DYNLRB1: variants seen among roughly 807,000 people sequenced by gnomAD.
The protein encoded by DYNLRB1 is ROBL/LC7-like 1.
Under a neutral mutation model 13.5 loss-of-function variants are expected in DYNLRB1, and 6 were observed. That is an observed-to-expected ratio of 0.44 (90% CI 0.24 to 0.88). The LOEUF (loss-of-function observed/expected upper bound fraction) is 0.88. Ranked by LOEUF, DYNLRB1 falls within the 40% of genes least tolerant of loss-of-function variation. The pLI is 0.21. For missense variants in DYNLRB1, 93 were observed against 127.2 expected (o/e 0.73, Z 1.29); for synonymous variants, 43 against 45.0 (o/e 0.96, Z 0.18).
At chr20:34,521,392 T>C (rs1033532071) in intron 1 of DYNLRB1, among the ~76,000 whole-genome samples, 24 of 152,222 alleles carry the variant, frequency 1.6e-4, no homozygotes, top group African/African-American at 4.6e-4. Context: ...TCTACTAGTA[T>C]TCTTTTGTGC....
intron 2 of DYNLRB1, among the ~76,000 whole-genome samples, chr20:34,531,670 G>A (rs956643164): frequency 6.6e-6 from 1 of 152,196 alleles, no homozygotes; most frequent in African/African-American, 2.4e-5. Context: ...GCTTAATGCT[G>A]TCTCTCTAGG....
upstream of DYNLRB1, among the ~76,000 whole-genome samples, chr20:34,516,015 C>G (rs1050372741): frequency 2.6e-5 from 4 of 152,306 alleles, no homozygotes; most frequent in Non-Finnish European, 4.4e-5. Flanking sequence ...ACCTCAGCCT[C>G]TGGAGTAACT....
chr20:34,528,335 A>AAC (rs1980416023), intron 2 of DYNLRB1, among the ~76,000 whole-genome samples: 1 of 150,140 alleles, frequency 6.7e-6, no homozygotes, highest in Admixed American at 6.7e-5. Context: ...AAAAAAAAAA[A>AAC]AAAAAAAAAC....
At chr20:34,516,403 G>A, upstream of DYNLRB1, 2 of 1,602,718 alleles carry the variant, frequency 1.2e-6, no homozygotes, top group Non-Finnish European at 1.7e-6. Flanking sequence ...CGCAGGCGCA[G>A]AAAGGCACAG....
intron 2 of DYNLRB1, chr20:34,533,404 C>T: frequency 1.1e-6 from 1 of 890,626 alleles, no homozygotes; most frequent in African/African-American, 1.8e-5. Flanking sequence ...TAGAAACATG[C>T]TTTAACTTGG....
intron 1 of DYNLRB1, among the ~76,000 whole-genome samples, chr20:34,520,494 T>A (rs1979626081): frequency 6.6e-6 from 1 of 152,204 alleles, no homozygotes; most frequent in Non-Finnish European, 1.5e-5. Context: ...TTGCCCAGAC[T>A]GGAGTTCAGT....
chr20:34,520,709 A>G (rs1250443370), intron 1 of DYNLRB1, among the ~76,000 whole-genome samples: 3 of 152,156 alleles, frequency 2.0e-5, no homozygotes, highest in Admixed American at 6.5e-5. Flanking sequence ...TCAGCCTCCC[A>G]AAGTGCCAGG....
intron 1 of DYNLRB1, chr20:34,516,858 C>T (rs531452169): frequency 5.2e-5 from 80 of 1,536,322 alleles, no homozygotes; most frequent in Non-Finnish European, 6.4e-5. Flanking sequence ...TTTCCTCCGC[C>T]TCCTCCCAGC....
chr20:34,534,817 C>T, intron 3 of DYNLRB1, 22 bp downstream of exon 3: 3 of 1,613,870 alleles, frequency 1.9e-6, no homozygotes, highest in Non-Finnish European at 2.5e-6. Context: ...TCTACCTCCC[C>T]ATGTAGGAAC....
intron 1 of DYNLRB1, among the ~76,000 whole-genome samples, chr20:34,525,419 A>G (rs6059897): frequency 0.46 from 70,117 of 151,954 alleles, 16,574 homozygotes; most frequent in Non-Finnish European, 0.5. Context: ...TACCTAATGC[A>G]TGTCCCAGAG....
intron 1 of DYNLRB1, among the ~76,000 whole-genome samples, chr20:34,521,678 T>C (rs912376411): frequency 1.3e-5 from 2 of 152,164 alleles, no homozygotes; most frequent in African/African-American, 2.4e-5. Context: ...AACTAGAGAA[T>C]TGGGGAACCT....
At chr20:34,539,795 CCTT>C (rs1259625936) in intron 3 of DYNLRB1, among the ~76,000 whole-genome samples, 1 of 152,042 alleles carries the variant, frequency 6.6e-6, no homozygotes, top group Non-Finnish European at 1.5e-5. Flanking sequence ...CCACGCCTGA[CCTT>C]CTACAAAAAA....
chr20:34,535,305 G>C (rs1334135260), intron 3 of DYNLRB1: 1 of 985,326 alleles, frequency 1.0e-6, no homozygotes, highest in African/African-American at 1.7e-5. Context: ...CTGCCCACTT[G>C]TAAAGGCCAG....
At chr20:34,533,016 C>T (rs1172770291) in intron 2 of DYNLRB1, among the ~76,000 whole-genome samples, 1 of 152,194 alleles carries the variant, frequency 6.6e-6, no homozygotes, top group Non-Finnish European at 1.5e-5. Context: ...TGTCAGCTGG[C>T]GGGCTCTTGG....
intron 2 of DYNLRB1, chr20:34,529,925 G>A: frequency 1.4e-6 from 2 of 1,473,454 alleles, no homozygotes; most frequent in Non-Finnish European, 1.8e-6. Context: ...GATCAGTTGG[G>A]TGGCCTGAGG....
At chr20:34,535,476 A>C (rs1187988192) in intron 3 of DYNLRB1, 1 of 773,372 alleles carries the variant, frequency 1.3e-6, no homozygotes, top group Non-Finnish European at 1.6e-6. Context: ...GGAGATGCTC[A>C]TTCTGGGAGG....
chr20:34,516,872 G>C (rs1223254535), intron 1 of DYNLRB1: 6 of 1,525,612 alleles, frequency 3.9e-6, no homozygotes, highest in Non-Finnish European at 5.3e-6. Context: ...TCCCAGCTCT[G>C]TGAGGTAGAT....
At chr20:34,527,146 C>G (rs1980289499) in intron 2 of DYNLRB1, among the ~76,000 whole-genome samples, 1 of 152,228 alleles carries the variant, frequency 6.6e-6, no homozygotes, top group African/African-American at 2.4e-5. Context: ...GATCGGCCTA[C>G]CATCACACAG....
At position 34,516,472 on chromosome 20, in the gene DYNLRB1, G is replaced by A. The variant is rs745769629; in HGVS notation, c.3+11G>A. The A allele has an allele frequency of 6.2e-7, 1 of 1,612,802 alleles. No homozygotes were observed. Among genetic ancestry groups the A allele is most frequent in the Admixed American group, 1.7e-5 (1 of 59,938 alleles). On this transcript the variant is annotated intron_variant, in intron 1 of 3. Transcript: ENST00000357156. Reference sequence around the variant, plus strand: ...GATCGGTCGGAAATGGTGAGCGTGCGCCGGGGTCTTGTGGCTGGCGGCCGC... The same window carrying A: ...GATCGGTCGGAAATGGTGAGCGTGCACCGGGGTCTTGTGGCTGGCGGCCGC...
Sources: gnomAD v4.1 joint callset for allele counts (sites outside exome capture counted in the v4.1 genomes callset) on GRCh38, gnomAD v4.1.1 for gene constraint, MANE v1.5 for transcripts, NCBI Gene and HGNC (gene_info 2026-07-23, HGNC 2026-07-21) for gene names.